Variants in KCNH1 observed in about 807,000 individuals in gnomAD.
KCNH1 encodes voltage-gated delayed rectifier potassium channel KCNH1.
A neutral mutation model predicts 69.2 loss-of-function variants in KCNH1; 27 were observed. The ratio of observed to expected loss-of-function variants is 0.39; its 90% CI spans 0.29 to 0.54. The LOEUF (loss-of-function observed/expected upper bound fraction) is 0.54. Ranked by LOEUF, KCNH1 falls within the 20% of genes least tolerant of loss-of-function variation. KCNH1 has a pLI of 0.68. For synonymous variants in KCNH1, 456 were observed against 487.7 expected (o/e 0.93, Z 0.86); for missense variants, 798 against 1,261.6 (o/e 0.63, Z 5.57).
At chr1:210,733,949 TCACACACA>T (rs142236390) in intron 10 of KCNH1, among the ~76,000 whole-genome samples, 54 of 80,490 alleles carry the variant, frequency 6.7e-4, no homozygotes, top group East Asian at 1.1e-3. Flanking sequence ...TCTGTCTGTC[TCACACACA>T]CACACACACA....
chr1:210,882,987 G>A (rs895692036), intron 7 of KCNH1, among the ~76,000 whole-genome samples: 5 of 152,126 alleles, frequency 3.3e-5, no homozygotes, highest in East Asian at 1.9e-4. Flanking sequence ...AATGCATTAC[G>A]GAAGAATGAG....
intron 5 of KCNH1, among the ~76,000 whole-genome samples, chr1:211,026,251 G>A (rs573376812): frequency 6.6e-6 from 1 of 152,016 alleles, no homozygotes; most frequent in Non-Finnish European, 1.5e-5. Context: ...CTGAAAGGTG[G>A]AGAAAAGAAA....
At chr1:210,768,475 C>T (rs1683684546) in intron 10 of KCNH1, among the ~76,000 whole-genome samples, 1 of 152,190 alleles carries the variant, frequency 6.6e-6, no homozygotes, top group East Asian at 1.9e-4. Context: ...TGCTCTGCTG[C>T]CCCCATTGCT....
chr1:211,065,147 G>T (rs79344266), intron 5 of KCNH1, among the ~76,000 whole-genome samples: 3,496 of 152,214 alleles, frequency 0.023, 72 homozygotes, highest in Non-Finnish European at 0.035. Flanking sequence ...TATCGTCAAA[G>T]GAAATGAAAT....
At chr1:211,073,353 A>G (rs1416239288) in intron 5 of KCNH1, among the ~76,000 whole-genome samples, 1 of 152,218 alleles carries the variant, frequency 6.6e-6, no homozygotes, top group Non-Finnish European at 1.5e-5. Context: ...GTTGAACTCA[A>G]TAATACCATC....
intron 7 of KCNH1, among the ~76,000 whole-genome samples, chr1:210,866,259 G>GA (rs1257343297): frequency 6.6e-6 from 1 of 151,948 alleles, no homozygotes; most frequent in African/African-American, 2.4e-5. Flanking sequence ...AAGAAAACTA[G>GA]AAAAAATGGA....
intron 5 of KCNH1, among the ~76,000 whole-genome samples, chr1:211,066,068 T>A (rs576450250): frequency 3.0e-4 from 46 of 150,858 alleles, no homozygotes; most frequent in African/African-American, 6.4e-4. Context: ...TAAAAAAAAA[T>A]TTTTTTTTAA....
intron 6 of KCNH1, among the ~76,000 whole-genome samples, chr1:211,016,028 G>A (rs1456788543): frequency 6.6e-6 from 1 of 152,182 alleles, no homozygotes; most frequent in Non-Finnish European, 1.5e-5. Flanking sequence ...CTTTACCAAT[G>A]AGAAAGCTAC....
chr1:211,112,979 A>C (rs2102491080), intron 1 of KCNH1, among the ~76,000 whole-genome samples: 1 of 152,348 alleles, frequency 6.6e-6, no homozygotes, highest in African/African-American at 2.4e-5. Context: ...ATCATTAGGA[A>C]TTAAGGGATT....
intron 7 of KCNH1, among the ~76,000 whole-genome samples, chr1:210,873,750 T>C (rs970375651): frequency 6.6e-6 from 1 of 152,094 alleles, no homozygotes; most frequent in Non-Finnish European, 1.5e-5. Context: ...GAGAAATTAC[T>C]CCAGATACAG....
At chr1:210,989,764 G>A (rs1177735349) in intron 6 of KCNH1, among the ~76,000 whole-genome samples, 2 of 152,220 alleles carry the variant, frequency 1.3e-5, no homozygotes, top group African/African-American at 4.8e-5. Flanking sequence ...TGTGCCTAGA[G>A]AGAGTTCCAT....
At chr1:210,893,153 G>A (rs1473598836) in intron 7 of KCNH1, among the ~76,000 whole-genome samples, 1 of 152,040 alleles carries the variant, frequency 6.6e-6, no homozygotes, top group East Asian at 1.9e-4. Flanking sequence ...ATCATTTTTG[G>A]TTTGTCTGAA....
chr1:210,941,923 A>G (rs987508655), intron 6 of KCNH1, among the ~76,000 whole-genome samples: 1 of 152,202 alleles, frequency 6.6e-6, no homozygotes, highest in African/African-American at 2.4e-5. Flanking sequence ...CTTGAGAGCC[A>G]TTTGTCTTTG....
At chr1:210,977,465 C>A (rs1184630655) in intron 6 of KCNH1, among the ~76,000 whole-genome samples, 2 of 152,004 alleles carry the variant, frequency 1.3e-5, no homozygotes, top group Non-Finnish European at 2.9e-5. Flanking sequence ...AACCGTACAC[C>A]TTTTGTCCAA....
intron 6 of KCNH1, among the ~76,000 whole-genome samples, chr1:210,965,665 C>A (rs369296004): frequency 1.3e-5 from 2 of 152,096 alleles, no homozygotes; most frequent in African/African-American, 4.8e-5. Context: ...CCTAGCAATA[C>A]AACTTACAAG....
rs1296158131 is a variant in KCNH1 at position 210,969,898 on chromosome 1, ATTTTGT to A, written c.1032+48879_1032+48884del. Among the ~76,000 whole-genome samples, 6 of 151,328 alleles carry A rather than the reference ATTTTGT, an allele frequency of 4.0e-5. No individual in the cohort carries two copies. In the East Asian group the frequency reaches 9.7e-4, roughly 24 times the overall value. ...TAGCCTCATCCCACAACTTTTTTTC[ATTTTGT>A]TTTTGTTTTTGAGACAGGGTTGCAC... On this transcript the variant is annotated intron_variant, in intron 6 of 10. Coordinates refer to ENST00000271751, the MANE Select transcript of KCNH1 (RefSeq NM_172362.3).
chr1:210,841,845 G>A (rs1369704102), intron 7 of KCNH1, among the ~76,000 whole-genome samples: 1 of 152,104 alleles, frequency 6.6e-6, no homozygotes, highest in Non-Finnish European at 1.5e-5. Context: ...AGCAGTAGGG[G>A]ACCAGGGACA....
At chr1:210,960,639 A>T (rs1278735456) in intron 6 of KCNH1, among the ~76,000 whole-genome samples, 3 of 152,226 alleles carry the variant, frequency 2.0e-5, no homozygotes, top group Non-Finnish European at 4.4e-5. Flanking sequence ...GTATAAATGC[A>T]TCACAATATA....
At chr1:211,068,261 C>T (rs1365039824) in intron 5 of KCNH1, among the ~76,000 whole-genome samples, 1 of 152,230 alleles carries the variant, frequency 6.6e-6, no homozygotes, top group Non-Finnish European at 1.5e-5. Context: ...CAGCTATGAG[C>T]TATGGATGGA....
Sources: gnomAD v4.1 joint callset for allele counts (sites outside exome capture counted in the v4.1 genomes callset) on GRCh38, gnomAD v4.1.1 for gene constraint, MANE v1.5 for transcripts, NCBI Gene and HGNC (gene_info 2026-07-23, HGNC 2026-07-21) for gene names.